TBC1D10C: variants seen among roughly 807,000 people sequenced by gnomAD.
TBC1D10C encodes the protein carabin.
TBC1D10C carries 49 observed loss-of-function variants against 51.0 expected under a neutral mutation model. The observed-to-expected ratio is 0.96, with a 90% CI of 0.76 to 1.22. The LOEUF (loss-of-function observed/expected upper bound fraction) is 1.22, where lower values mean the gene tolerates loss of function less well. TBC1D10C is among the 50% of genes most tolerant of loss of function. The pLI is 0.00. For missense variants in TBC1D10C, 541 were observed against 617.5 expected, an observed-to-expected ratio of 0.88 and a Z score of 1.31; for synonymous variants, 281 against 266.7, an observed-to-expected ratio of 1.05 and a Z score of -0.52.
chr11:67,409,905 G>A lies in TBC1D10C; in HGVS notation c.*151G>A, dbSNP rs1170079519. On this transcript the variant is annotated 3_prime_UTR_variant, in exon 9 of 9. Transcript: ENST00000542590. ...AGTGGGGAAGGAGGAGGTCCTCCGTGGTACATACTGGGTCAGGCACTAGCA... is the reference window on the plus strand; with the variant it reads ...AGTGGGGAAGGAGGAGGTCCTCCGTAGTACATACTGGGTCAGGCACTAGCA... The A allele has an allele frequency of 1.2e-5, 8 of 676,358 alleles. No homozygotes were observed. Among genetic ancestry groups the A allele is most frequent in the Non-Finnish European group, 2.0e-5 (8 of 409,604 alleles). The allele number at this position is 676,358 out of a possible 1,614,324, so 41.9% of individuals were successfully genotyped here. A position where few individuals can be genotyped will look rare whatever the true frequency, so the allele number is the denominator to read the frequency against.
Position 67,409,917 on chromosome 11 carries a change from G to A in TBC1D10C, c.*163G>A. The stretch of plus-strand genomic sequence containing the variant: ...GGAGGTCCTCCGTGGTACATACTGG[G>A]TCAGGCACTAGCATGGAGGAGGGTC... On this transcript the variant is annotated 3_prime_UTR_variant, in exon 9 of 9. Coordinates refer to ENST00000542590, the MANE Select transcript of TBC1D10C (RefSeq NM_001369496.1). The A allele has an allele frequency of 1.6e-6, 1 of 642,116 alleles. No homozygotes were observed. Among genetic ancestry groups the A allele is most frequent in the Non-Finnish European group, 2.6e-6 (1 of 381,926 alleles). The allele number at this position is 642,116 out of a possible 1,614,324, so 39.8% of individuals were successfully genotyped here. A position where few individuals can be genotyped will look rare whatever the true frequency, so the allele number is the denominator to read the frequency against.
intron 7 of TBC1D10C, chr11:67,408,726 G>A (rs1590949615): frequency 4.6e-6 from 2 of 437,800 alleles, no homozygotes; most frequent in Non-Finnish European, 8.0e-6. Context: ...GGCGGGGGTG[G>A]GGATGGGAGG....
At chr11:67,407,171 C>A (rs1863209642) in intron 7 of TBC1D10C, 155 bp downstream of exon 7, 1 of 927,898 alleles carries the variant, frequency 1.1e-6, no homozygotes, top group Non-Finnish European at 1.6e-6. Context: ...ACCCATCACC[C>A]ATCACCCAGG....
At position 67,404,353 on chromosome 11, in the gene TBC1D10C, G is replaced by C. The variant is rs147597470; in HGVS notation, c.151G>C (p.Gly51Arg). 3.8e-5 allele frequency: 60 copies of C among 1,573,424 alleles called. 1 individual carries two copies. The Middle Eastern group carries it at 1.5e-3, about 40-fold the overall frequency. Residue 51 changes from glycine (G) to arginine (R), a missense_variant and splice_region_variant, in exon 1 of 9, where the codon GGG becomes CGG. Transcript: ENST00000542590. ...GFIGGSSAEP[G>R]PGHPPADLIR... ...CATTGGGGGCAGCTCAGCAGAGCCAGGGTAAGGGGGCAGGGTGAGGGCTGG... is the reference window on the plus strand; with the variant it reads ...CATTGGGGGCAGCTCAGCAGAGCCACGGTAAGGGGGCAGGGTGAGGGCTGG...
In TBC1D10C at chr11:67,407,128, C is replaced by T. The variant is rs556789319; in HGVS notation, c.838+112C>T. On this transcript the variant is annotated intron_variant, in intron 7 of 8. Coordinates refer to ENST00000542590, the MANE Select transcript of TBC1D10C (RefSeq NM_001369496.1). ...CCTCAAATCACAGGACTGGGTGTGCCGAAGGTGATGGCCTGGTGCCTGGCG... is the reference window on the plus strand; with the variant it reads ...CCTCAAATCACAGGACTGGGTGTGCTGAAGGTGATGGCCTGGTGCCTGGCG... The T allele has an allele frequency of 2.9e-5, 36 of 1,255,012 alleles. No individual in the cohort carries two copies. In the East Asian group the frequency reaches 3.3e-4, roughly 12 times the overall value. The allele number at this position is 1,255,012 out of a possible 1,614,324, so 77.7% of individuals were successfully genotyped here.
chr11:67,409,711 G>A lies in TBC1D10C; in HGVS notation c.1298G>A (p.Arg433Lys). ...ARGPPIEGPP[R>K]PQRGSTSFLD... ...GGCCCCCCCATCGAGGGGCCCCCCA[G>A]GCCCCAACGAGGCTCCACCTCCTTC... The change falls in exon 9 of 9, where the codon AGG becomes AAG. Residue 433 changes from arginine (R) to lysine (K), a missense_variant. By Grantham distance (26) the Arg-to-Lys change is conservative. Transcript: ENST00000542590. The A allele has an allele frequency of 6.3e-7, 1 of 1,592,448 alleles. No homozygotes were observed. The highest frequency in any genetic ancestry group is 1.3e-5 in the African/African-American group (1 of 74,082).
At position 67,406,887 on chromosome 11, in the gene TBC1D10C, G is replaced by A. The variant is rs373055933; in HGVS notation, c.709G>A (p.Val237Met). 6.8e-6 allele frequency: 11 copies of A among 1,610,990 alleles called. No homozygotes were observed. The highest frequency in any genetic ancestry group is 1.7e-5 in the Admixed American group (1 of 59,978). ...CCTGCTGCGGCGGCTGCTTCCGCAC[G>A]TGCACAAGCACCTGCAGCAGGTGGG... ...MALLRRLLPHVHKHLQQVGVG... is the reference protein window; with the variant it reads ...MALLRRLLPHMHKHLQQVGVG... The change falls in exon 7 of 9, where the codon GTG (valine) becomes ATG (methionine). Residue 237 changes from valine (V) to methionine (M), a missense_variant. Physicochemically the swap from Val to Met is conservative, Grantham distance 21. Transcript: ENST00000542590.
In TBC1D10C at chr11:67,409,778, C is replaced by T. The variant is rs1445430077; in HGVS notation, c.*24C>T. 6 of 1,540,292 alleles carry T rather than the reference C, an allele frequency of 3.9e-6. No individual in the cohort carries two copies. The highest frequency in any genetic ancestry group is 5.2e-6 in the Non-Finnish European group (6 of 1,153,760). On this transcript the variant is annotated 3_prime_UTR_variant, in exon 9 of 9. Coordinates refer to ENST00000542590, the MANE Select transcript of TBC1D10C (RefSeq NM_001369496.1). Reference sequence around the variant, plus strand: ...GAGAGGACCATGGACTTAGTGTCCCCCAGTCTCAATTGCCTGATGGCTGAT... The same window carrying T: ...GAGAGGACCATGGACTTAGTGTCCCTCAGTCTCAATTGCCTGATGGCTGAT...
rs781772190 is a variant in TBC1D10C, at chr11:67,405,888, G to A, written c.468-15G>A. ...TGCCTGCAGGACTGGCCCCTTATGG[G>A]GTCTTCCGGCACAGGCAGCAGGGGC... On this transcript the variant is annotated splice_polypyrimidine_tract_variant and intron_variant, in intron 4 of 8. Coordinates refer to ENST00000542590, the MANE Select transcript of TBC1D10C (RefSeq NM_001369496.1). 1.3e-6 allele frequency: 2 copies of A among 1,578,942 alleles called. No individual in the cohort carries two copies. The highest frequency in any genetic ancestry group is 1.8e-5 in the Admixed American group (1 of 54,530).
chr11:67,408,221 T>C (rs10896172), intron 7 of TBC1D10C: 11,695 of 152,372 alleles, frequency 0.077, 546 homozygotes, highest in East Asian at 0.16. Context: ...CTGAGTGCTA[T>C]GCTCCTGGCT....
At chr11:67,405,745 C>T in intron 4 of TBC1D10C, 44 bp downstream of exon 4, 3 of 1,604,882 alleles carry the variant, frequency 1.9e-6, no homozygotes, top group Non-Finnish European at 2.6e-6. Flanking sequence ...CCCACAAGCC[C>T]CAGGTGCTCC....
In TBC1D10C at chr11:67,406,623, C is replaced by T; in HGVS notation, c.583-4C>T. On this transcript the variant is annotated splice_polypyrimidine_tract_variant and splice_region_variant and intron_variant, in intron 5 of 8. Coordinates refer to ENST00000542590, the MANE Select transcript of TBC1D10C (RefSeq NM_001369496.1). ...TACAGGCCTGTGCCCTGCCCCTTCC[C>T]CAGGAGGCCTTCTGGTGCCTGGTGC... The T allele has an allele frequency of 6.4e-7, 1 of 1,566,846 alleles. No individual in the cohort carries two copies. The highest frequency in any genetic ancestry group is 1.2e-5 in the South Asian group (1 of 85,618).
rs371914502 is a variant in TBC1D10C, at chr11:67,405,712, G to A, written c.467+11G>A. ...GCCTCAGGGCCACGGGTACGAGGCC[G>A]GTGATGCCCAGGGACCCCCAGCCCC... On this transcript the variant is annotated intron_variant, in intron 4 of 8. Transcript: ENST00000542590. The A allele has an allele frequency of 1.8e-5, 29 of 1,612,648 alleles. No individual in the cohort carries two copies. Among genetic ancestry groups the A allele is most frequent in the African/African-American group, 1.3e-4 (10 of 74,900 alleles).
In TBC1D10C at chr11:67,409,117, A is replaced by C. The variant is rs1863326825; in HGVS notation, c.977A>C (p.Glu326Ala). 8 of 1,597,630 alleles carry C rather than the reference A, an allele frequency of 5.0e-6. No homozygotes were observed. The highest frequency in any genetic ancestry group is 4.5e-5 in the East Asian group (2 of 44,550). ...RAIPPAQLQE[E>A]AFMSQVHSVV... ...ATCCCCCCCGCGCAGCTGCAGGAGG[A>C]GGCCTTCATGTCACAGGTGGGTACC... The change falls in exon 8 of 9, where the codon GAG (glutamate) becomes GCG (alanine). Residue 326 changes from glutamate (E) to alanine (A), a missense_variant. By Grantham distance (107) the Glu-to-Ala change is moderately radical. Coordinates refer to ENST00000542590, the MANE Select transcript of TBC1D10C (RefSeq NM_001369496.1).
Position 67,409,477 on chromosome 11 carries a change from A to C in TBC1D10C, c.1064A>C (p.Asp355Ala), listed in dbSNP as rs753926362. 6.5e-7 allele frequency: 1 copy of C among 1,548,736 alleles called. No homozygotes were observed. The highest frequency in any genetic ancestry group is 1.2e-5 in the South Asian group (1 of 83,990). The change falls in exon 9 of 9, where the codon GAT (aspartate) becomes GCT (alanine). Residue 355 changes from aspartate to alanine, a missense_variant. Coordinates refer to ENST00000542590, the MANE Select transcript of TBC1D10C (RefSeq NM_001369496.1). Reference sequence around the variant, plus strand: ...AAGGCCCAGCTGGCCCAGCTGCCCGATTCCGCGCCGGGACCCCCGCCCCGG... The same window carrying C: ...AAGGCCCAGCTGGCCCAGCTGCCCGCTTCCGCGCCGGGACCCCCGCCCCGG... The part of the protein sequence containing the change: ...EIKAQLAQLP[D>A]SAPGPPPRPQ...
Position 67,407,023 on chromosome 11 carries a change from G to A in TBC1D10C, c.838+7G>A, listed in dbSNP as rs770147098. On this transcript the variant is annotated splice_region_variant and intron_variant, in intron 7 of 8. Transcript: ENST00000542590. ...GATGCCTTCCTCAGTGAGGGTGAGT[G>A]GGGCAGCCAGTGGCTGGGGCAGGAG... is the stretch of plus-strand genomic sequence containing the variant. 6.2e-7 allele frequency: 1 copy of A among 1,607,470 alleles called. No individual in the cohort carries two copies. The highest frequency in any genetic ancestry group is 8.5e-7 in the Non-Finnish European group (1 of 1,177,492).
rs367590638 is a variant in TBC1D10C at position 67,409,563 on chromosome 11, C to T, written c.1150C>T (p.Arg384Ter). The change falls in exon 9 of 9, where the codon CGA (arginine) becomes TGA (stop). Residue 384 changes from arginine to a stop codon, truncating the protein, a stop_gained. Coordinates refer to ENST00000542590, the MANE Select transcript of TBC1D10C (RefSeq NM_001369496.1). LOFTEE classifies it high-confidence loss of function. ...TGAGGCCCAGCAGCTGGCAGGAGTGCGACGAGGCGCCAAGCCTGAGGTGCC... is the reference window on the plus strand; with the variant it reads ...TGAGGCCCAGCAGCTGGCAGGAGTGTGACGAGGCGCCAAGCCTGAGGTGCC... ...IFEAQQLAGVRRGAKPEVPRI... is the reference protein window; with the variant it reads ...IFEAQQLAGV 7.7e-6 allele frequency: 12 copies of T among 1,548,670 alleles called. No individual in the cohort carries two copies. The highest frequency in any genetic ancestry group is 2.4e-5 in the East Asian group (1 of 40,906).
Position 67,405,136 on chromosome 11 carries a change from G to A in TBC1D10C, c.204G>A (p.Val68=). 6.4e-7 allele frequency: 1 copy of A among 1,551,550 alleles called. No homozygotes were observed. The highest frequency in any genetic ancestry group is 2.4e-5 in the East Asian group (1 of 40,924). ...TCCGCCAACGGGAGATGAAGTGGGT[G>A]GAGATGACCTCGCACTGGGAGAAAA... ...DLIRQREMKW[V]EMTSHWEKTM... The change falls in exon 2 of 9, where the codon GTG becomes GTA. Residue 68 remains valine, a synonymous_variant. Transcript: ENST00000542590.
Position 67,406,929 on chromosome 11 carries a change from T to C in TBC1D10C, c.751T>C (p.Tyr251His), listed in dbSNP as rs1350808660. ...LQQVGVGPLL[Y>H]LPEWFLCLFA... ...GCAGGTGGGCGTCGGACCCCTGCTGTACCTGCCCGAGTGGTTCCTGTGCCT... is the reference window on the plus strand; with the variant it reads ...GCAGGTGGGCGTCGGACCCCTGCTGCACCTGCCCGAGTGGTTCCTGTGCCT... Residue 251 changes from tyrosine (Y) to histidine (H), a missense_variant, in exon 7 of 9, where the codon TAC (tyrosine) becomes CAC (histidine). Tyr to His is a moderately conservative substitution (Grantham distance 83, BLOSUM62 2). Coordinates refer to ENST00000542590, the MANE Select transcript of TBC1D10C (RefSeq NM_001369496.1). 6.2e-7 allele frequency: 1 copy of C among 1,612,936 alleles called. No individual in the cohort carries two copies. The highest frequency in any genetic ancestry group is 8.5e-7 in the Non-Finnish European group (1 of 1,179,968).
Sources: gnomAD v4.1 joint callset for allele counts on GRCh38, gnomAD v4.1.1 for gene constraint, MANE v1.5 for transcripts, NCBI Gene and HGNC (gene_info 2026-07-23, HGNC 2026-07-21) for gene names.